Variants in CERS6 observed in about 807,000 individuals in gnomAD.
The protein encoded by CERS6 is ceramide synthase 6.
Under a neutral mutation model 56.8 loss-of-function variants are expected in CERS6, and 26 were observed. That is an observed-to-expected ratio of 0.46 (90% CI 0.34 to 0.63). The LOEUF is 0.63. Ranked by LOEUF, CERS6 falls within the 30% of genes least tolerant of loss-of-function variation. The probability of loss-of-function intolerance (pLI) is 0.01; values close to 1 mark genes in which losing one functional copy is unlikely to be tolerated. For missense variants in CERS6, 415 were observed against 467.5 expected, an observed-to-expected ratio of 0.89 and a Z score of 1.04; for synonymous variants, 164 against 173.3, an observed-to-expected ratio of 0.95 and a Z score of 0.42.
At chr2:168,686,787 G>A (rs1002143958) in intron 4 of CERS6, among the ~76,000 whole-genome samples, 5 of 152,138 alleles carry the variant, frequency 3.3e-5, no homozygotes, top group South Asian at 2.1e-4. Context: ...AATTAATTAC[G>A]GTTCCTCTCT....
chr2:168,622,827 C>T (rs1167069846), intron 3 of CERS6, among the ~76,000 whole-genome samples: 1 of 152,192 alleles, frequency 6.6e-6, no homozygotes, highest in African/African-American at 2.4e-5. Flanking sequence ...TCTGCATAAC[C>T]TGTCTAACGG....
At chr2:168,525,961 A>C (rs1169155698) in intron 1 of CERS6, among the ~76,000 whole-genome samples, 1 of 152,178 alleles carries the variant, frequency 6.6e-6, no homozygotes, top group Non-Finnish European at 1.5e-5. Context: ...TATTTCTCAT[A>C]AATGCTCCTA....
At chr2:168,674,615 G>A (rs1160248571) in intron 4 of CERS6, among the ~76,000 whole-genome samples, 1 of 152,206 alleles carries the variant, frequency 6.6e-6, no homozygotes, top group Non-Finnish European at 1.5e-5. Context: ...TATGTACCTT[G>A]AATTGGTCAG....
At chr2:168,467,039 A>T (rs1256876195) in intron 1 of CERS6, among the ~76,000 whole-genome samples, 1 of 152,060 alleles carries the variant, frequency 6.6e-6, no homozygotes, top group Non-Finnish European at 1.5e-5. Flanking sequence ...CCTTTCCTCG[A>T]TTCCTCCCCC....
intron 4 of CERS6, among the ~76,000 whole-genome samples, chr2:168,674,145 G>A (rs541310310): frequency 4.0e-4 from 61 of 152,284 alleles, no homozygotes; most frequent in Middle Eastern, 3.4e-3. Context: ...AAGTCAAGCC[G>A]AGAGTGTCTA....
chr2:168,549,373 A>T (rs985014110), intron 2 of CERS6, among the ~76,000 whole-genome samples: 3 of 152,162 alleles, frequency 2.0e-5, no homozygotes, highest in African/African-American at 7.2e-5. Flanking sequence ...GTGGTGGCTC[A>T]CGCCTGTAAT....
chr2:168,529,020 T>C (rs914769413), intron 1 of CERS6, among the ~76,000 whole-genome samples: 3 of 152,166 alleles, frequency 2.0e-5, no homozygotes, highest in Non-Finnish European at 4.4e-5. Flanking sequence ...TAAGTGATAA[T>C]AGGGTGAGGG....
chr2:168,733,782 T>C (rs1683626944), intron 8 of CERS6, among the ~76,000 whole-genome samples: 4 of 152,220 alleles, frequency 2.6e-5, no homozygotes, highest in Admixed American at 1.3e-4. Context: ...ACAAGGGTCT[T>C]GCCCAAGAAT....
chr2:168,673,106 A>G (rs916363258), intron 4 of CERS6, among the ~76,000 whole-genome samples: 1 of 152,254 alleles, frequency 6.6e-6, no homozygotes, highest in Non-Finnish European at 1.5e-5. Flanking sequence ...ATATGAAAGT[A>G]GCTATGAAGA....
At chr2:168,764,485 A>G (rs982195888) in intron 8 of CERS6, among the ~76,000 whole-genome samples, 2 of 152,054 alleles carry the variant, frequency 1.3e-5, no homozygotes, top group Non-Finnish European at 2.9e-5. Flanking sequence ...AATCCTTCCA[A>G]TACTCATTTC....
rs756952701 is a variant in CERS6, at chr2:168,763,240, C to CTT, written c.846-2334_846-2333dup. Among the ~76,000 whole-genome samples the CTT allele has an allele frequency of 9.3e-3, 984 of 105,864 alleles. 33 individuals are homozygous for CTT. Among genetic ancestry groups the CTT allele is most frequent in the African/African-American group, 0.01 (275 of 27,266 alleles). The allele number at this position is 105,864 out of a possible 152,430, so 69.5% of individuals were successfully genotyped here. A position where few individuals can be genotyped will look rare whatever the true frequency, so the allele number is the denominator to read the frequency against. On this transcript the variant is annotated intron_variant, in intron 8 of 9. Transcript: ENST00000305747. The stretch of plus-strand genomic sequence containing the variant: ...AATAATTGTTTCTCTCTCTCTCTCT[C>CTT]TTTTTTTTTTTTTTTTTTTGAGACA...
chr2:168,634,685 T>C (rs1684823587), intron 4 of CERS6, among the ~76,000 whole-genome samples: 4 of 152,210 alleles, frequency 2.6e-5, no homozygotes, highest in Admixed American at 6.5e-5. Flanking sequence ...AGTGCTGGGA[T>C]TATAGGTGTG....
chr2:168,590,384 GA>G (rs1370350946), intron 3 of CERS6, among the ~76,000 whole-genome samples: 1 of 152,110 alleles, frequency 6.6e-6, no homozygotes, highest in African/African-American at 2.4e-5. Context: ...AACGATATTT[GA>G]AATAAACTAT....
intron 8 of CERS6, among the ~76,000 whole-genome samples, chr2:168,719,730 A>G (rs1687312444): frequency 6.6e-6 from 1 of 152,222 alleles, no homozygotes; most frequent in Non-Finnish European, 1.5e-5. Context: ...CACCATGATT[A>G]GCCTTTTAAG....
At chr2:168,577,814 T>C (rs1234946207) in intron 3 of CERS6, among the ~76,000 whole-genome samples, 1 of 152,044 alleles carries the variant, frequency 6.6e-6, no homozygotes, top group Non-Finnish European at 1.5e-5. Context: ...TATTAGCATT[T>C]TGAGGAGTGG....
At chr2:168,722,200 C>T (rs892839127) in intron 8 of CERS6, among the ~76,000 whole-genome samples, 3 of 152,000 alleles carry the variant, frequency 2.0e-5, no homozygotes, top group African/African-American at 4.8e-5. Context: ...AGGACTTATC[C>T]GATATATAAT....
chr2:168,629,141 G>T (rs1426069148), intron 3 of CERS6, among the ~76,000 whole-genome samples: 1 of 152,142 alleles, frequency 6.6e-6, no homozygotes, highest in African/African-American at 2.4e-5. Flanking sequence ...TCCTATAATA[G>T]AATCTATGTG....
intron 4 of CERS6, among the ~76,000 whole-genome samples, chr2:168,670,062 G>T (rs1221063491): frequency 6.6e-6 from 1 of 152,102 alleles, no homozygotes; most frequent in Non-Finnish European, 1.5e-5. Flanking sequence ...TGCAATTGGG[G>T]TGATCTAAAG....
chr2:168,515,307 T>A (rs1574035962), intron 1 of CERS6, among the ~76,000 whole-genome samples: 1 of 152,002 alleles, frequency 6.6e-6, no homozygotes, highest in African/African-American at 2.4e-5. Context: ...CTCAAATTAA[T>A]CCCCTATGTC....
Sources: allele counts gnomAD v4.1 joint callset (sites outside exome capture counted in the v4.1 genomes callset), GRCh38; gene constraint gnomAD v4.1.1; transcripts MANE v1.5; gene names NCBI Gene and HGNC (gene_info 2026-07-23, HGNC 2026-07-21).